GPC5: variants seen among roughly 807,000 people sequenced by gnomAD.
GPC5 encodes glypican-5.
GPC5 carries 47 observed loss-of-function variants against 53.9 expected under a neutral mutation model. The observed-to-expected ratio is 0.87, with a 90% confidence interval of 0.69 to 1.11. The LOEUF is 1.11. Among genes scored for constraint, GPC5 ranks in the 50% most tolerant of loss-of-function variants. The pLI, the probability that GPC5 is intolerant of heterozygous loss-of-function variation, is 0.00. For missense variants in GPC5, 748 were observed against 713.1 expected, an observed-to-expected ratio of 1.05 and a Z score of -0.56; for synonymous variants, 286 against 263.3, an observed-to-expected ratio of 1.09 and a Z score of -0.84.
chr13:92,263,274 A>C (rs1201564495), intron 7 of GPC5, among the ~76,000 whole-genome samples: 1 of 152,180 alleles, frequency 6.6e-6, no homozygotes, highest in Non-Finnish European at 1.5e-5. Flanking sequence ...GATACTGTTT[A>C]AATATTTACA....
At chr13:91,504,694 A>G (rs1884844355) in intron 2 of GPC5, among the ~76,000 whole-genome samples, 1 of 152,190 alleles carries the variant, frequency 6.6e-6, no homozygotes, top group African/African-American at 2.4e-5. Context: ...ATGGTAGCTC[A>G]TGCCTTTAAT....
At chr13:91,492,564 T>A (rs1454079512) in intron 2 of GPC5, among the ~76,000 whole-genome samples, 1 of 152,168 alleles carries the variant, frequency 6.6e-6, no homozygotes, top group Admixed American at 6.5e-5. Flanking sequence ...TTTTGGTCTA[T>A]TTAGTCCAGT....
intron 7 of GPC5, among the ~76,000 whole-genome samples, chr13:92,771,872 A>G (rs1875629033): frequency 6.6e-6 from 1 of 152,064 alleles, no homozygotes; most frequent in Non-Finnish European, 1.5e-5. Flanking sequence ...CTTACCTGAC[A>G]TCTCCATTTT....
At chr13:92,242,906 A>T (rs1594030455) in intron 7 of GPC5, among the ~76,000 whole-genome samples, 1 of 152,164 alleles carries the variant, frequency 6.6e-6, no homozygotes, top group Non-Finnish European at 1.5e-5. Flanking sequence ...TATGTGTCTA[A>T]TTTCTTACTA....
intron 6 of GPC5, chr13:91,996,360 G>A (rs963038436): frequency 2.0e-5 from 3 of 152,216 alleles, no homozygotes; most frequent in Admixed American, 1.3e-4. Context: ...GGGCAAGGTG[G>A]CCATATTCTA....
At chr13:92,165,017 G>A (rs1045405166) in intron 7 of GPC5, among the ~76,000 whole-genome samples, 10 of 152,192 alleles carry the variant, frequency 6.6e-5, no homozygotes, top group African/African-American at 9.7e-5. Context: ...TGCACAAAGC[G>A]ATAAGGCCCT....
chr13:92,299,290 T>C (rs571574339), intron 7 of GPC5, among the ~76,000 whole-genome samples: 49 of 152,302 alleles, frequency 3.2e-4, no homozygotes, highest in African/African-American at 1.1e-3. Context: ...AAACCATATG[T>C]CAACTTAATC....
intron 7 of GPC5, among the ~76,000 whole-genome samples, chr13:92,809,085 ATTCATTTTGC>A (rs996598383): frequency 2.0e-5 from 3 of 152,132 alleles, no homozygotes; most frequent in African/African-American, 2.4e-5. Flanking sequence ...CCACAGCAAA[ATTCATTTTGC>A]TTCATTTTGC....
chr13:91,756,296 G>T lies in GPC5; in HGVS notation c.1156G>T (p.Glu386Ter). The T allele has an allele frequency of 6.7e-7, 1 of 1,483,738 alleles. No homozygotes were observed. Among genetic ancestry groups the T allele is most frequent in the Non-Finnish European group, 9.1e-7 (1 of 1,102,258 alleles). 91.9% of individuals were successfully genotyped at this position (1,483,738 alleles called of 1,614,324 possible). ...SEETLANRRK[E>*]FINSLRLYRS... ...TGTTTTCTTTCTTCTTTCATTTAGA[G>T]AATTTATCAACAGCCTTCGACTGTA... The change falls in exon 5 of 8, where the codon GAA becomes TAA. Residue 386 changes from glutamate (E) to a stop codon, truncating the protein, a stop_gained and splice_region_variant. Transcript: ENST00000377067. LOFTEE classifies it high-confidence loss of function.
At chr13:92,498,999 G>C (rs1014645858) in intron 7 of GPC5, among the ~76,000 whole-genome samples, 3 of 151,954 alleles carry the variant, frequency 2.0e-5, no homozygotes, top group African/African-American at 2.4e-5. Context: ...AATGCTGAAA[G>C]ATACTAGAAA....
intron 2 of GPC5, among the ~76,000 whole-genome samples, chr13:91,651,282 A>G (rs16946405): frequency 0.065 from 9,841 of 152,180 alleles, 1,074 homozygotes; most frequent in African/African-American, 0.22. Context: ...TTCTGAATAA[A>G]AACATATCTG....
At chr13:92,034,958 T>C (rs763322194) in intron 6 of GPC5, among the ~76,000 whole-genome samples, 22 of 152,164 alleles carry the variant, frequency 1.4e-4, no homozygotes, top group Admixed American at 3.3e-4. Flanking sequence ...TCAAGATTCA[T>C]GGTTGGTTTG....
chr13:91,656,693 C>T (rs772344907), intron 2 of GPC5, among the ~76,000 whole-genome samples: 6 of 152,168 alleles, frequency 3.9e-5, no homozygotes, highest in East Asian at 1.9e-4. Flanking sequence ...TTTTCATCCA[C>T]GACCAATCCA....
intron 7 of GPC5, among the ~76,000 whole-genome samples, chr13:92,421,935 C>T (rs1253825549): frequency 1.3e-5 from 2 of 151,982 alleles, no homozygotes; most frequent in African/African-American, 4.8e-5. Flanking sequence ...GCTTGGAATA[C>T]ATACCTCAGC....
chr13:92,840,078 CATATATATATATATATATATAT>C lies in GPC5; in HGVS notation c.1562-26179_1562-26158del, dbSNP rs4001881. On this transcript the variant is annotated intron_variant, in intron 7 of 7. Transcript: ENST00000377067. ...TGCTTTTATTCTTCATATATACATA[CATATATATATATATATATATAT>C]ATATATATATATATATATATATATG... Among the ~76,000 whole-genome samples the C allele has an allele frequency of 8.6e-3, 847 of 99,020 alleles. 26 individuals carry two copies. Among genetic ancestry groups the C allele is most frequent in the South Asian group, 0.019 (62 of 3,222 alleles). The allele number at this position is 99,020 out of a possible 152,430, so 65.0% of individuals were successfully genotyped here.
chr13:91,438,719 A>C (rs1451297239), intron 1 of GPC5, among the ~76,000 whole-genome samples: 1 of 152,150 alleles, frequency 6.6e-6, no homozygotes, highest in Non-Finnish European at 1.5e-5. Flanking sequence ...TCTGCAGAGG[A>C]TTCTGCGCCT....
chr13:91,635,083 G>C (rs1034116260), intron 2 of GPC5, among the ~76,000 whole-genome samples: 9 of 152,100 alleles, frequency 5.9e-5, no homozygotes, highest in Non-Finnish European at 8.8e-5. Context: ...TTAATGTATT[G>C]AGACAGAGGG....
chr13:91,481,892 A>G (rs1385049950), intron 2 of GPC5, among the ~76,000 whole-genome samples: 1 of 152,112 alleles, frequency 6.6e-6, no homozygotes, highest in Non-Finnish European at 1.5e-5. Context: ...TTCATATATC[A>G]TCCAGGAATG....
chr13:92,247,417 C>T (rs910073300), intron 7 of GPC5, among the ~76,000 whole-genome samples: 6 of 152,030 alleles, frequency 3.9e-5, no homozygotes, highest in African/African-American at 1.4e-4. Context: ...AACATGTCAC[C>T]ATATTCTATA....
Sources: allele counts gnomAD v4.1 joint callset (sites outside exome capture counted in the v4.1 genomes callset), GRCh38; gene constraint gnomAD v4.1.1; transcripts MANE v1.5; gene names NCBI Gene and HGNC (gene_info 2026-07-23, HGNC 2026-07-21).